The following RALYL variants were observed in gnomAD, a reference collection of about 807,000 sequenced individuals.
RALYL encodes the protein RALY RNA binding protein like, also known as RNA-binding Raly-like protein.
A neutral mutation model predicts 35.1 loss-of-function variants in RALYL; 29 were observed. That is an observed-to-expected ratio of 0.83 (90% confidence interval 0.61 to 1.13). The LOEUF is 1.13. Among genes scored for constraint, RALYL ranks in the 50% most tolerant of loss-of-function variants. The pLI, the probability that RALYL is intolerant of heterozygous loss-of-function variation, is 0.00. For missense variants in RALYL, 359 were observed against 360.4 expected, an observed-to-expected ratio of 1.00 and a Z score of 0.03; for synonymous variants, 120 against 127.6, an observed-to-expected ratio of 0.94 and a Z score of 0.40.
At chr8:84,312,447 C>T (rs552214992) in intron 1 of RALYL, among the ~76,000 whole-genome samples, 55 of 152,282 alleles carry the variant, frequency 3.6e-4, no homozygotes, top group African/African-American at 1.3e-3. Context: ...TCCACAATTT[C>T]ATCTGGGACA....
intron 1 of RALYL, among the ~76,000 whole-genome samples, chr8:84,526,827 A>G (rs539571173): frequency 4.6e-5 from 7 of 152,270 alleles, no homozygotes; most frequent in South Asian, 4.1e-4. Context: ...TGGCTGTCCT[A>G]TGTTTTACTT....
At chr8:84,803,270 T>TTGA (rs1823788595) in intron 3 of RALYL, among the ~76,000 whole-genome samples, 1 of 152,238 alleles carries the variant, frequency 6.6e-6, no homozygotes, top group African/African-American at 2.4e-5. Context: ...CATTATCGTG[T>TTGA]TGATGGTCTA....
At chr8:84,380,695 G>C (rs116586900) in intron 1 of RALYL, among the ~76,000 whole-genome samples, 1 of 151,882 alleles carries the variant, frequency 6.6e-6, no homozygotes, top group Admixed American at 6.6e-5. Context: ...TTATTGAAAG[G>C]CTACTTAAAA....
intron 1 of RALYL, among the ~76,000 whole-genome samples, chr8:84,350,037 G>C (rs1850601200): frequency 6.6e-6 from 1 of 150,518 alleles, no homozygotes; most frequent in African/African-American, 2.5e-5. Flanking sequence ...GATTTCTGGA[G>C]CCTAGGTCAT....
At chr8:84,487,375 G>A (rs761798982) in intron 1 of RALYL, among the ~76,000 whole-genome samples, 4 of 152,064 alleles carry the variant, frequency 2.6e-5, no homozygotes, top group Non-Finnish European at 4.4e-5. Context: ...TAAATGTTCC[G>A]TATTTAAAAG....
In RALYL at chr8:84,207,464, G is replaced by A. The variant is rs146078066; in HGVS notation, c.-24+23040G>A. On this transcript the variant is annotated intron_variant, in intron 1 of 8. Transcript: ENST00000521268. Reference sequence around the variant, plus strand: ...CATTATGCTGTGTGAAAGTAACCAAGCACAGAGACACAAATACTACATTAT... The same window carrying A: ...CATTATGCTGTGTGAAAGTAACCAAACACAGAGACACAAATACTACATTAT... Among the ~76,000 whole-genome samples the A allele has an allele frequency of 1.7e-3, 265 of 152,144 alleles. 1 individual carries two copies. Among genetic ancestry groups the A allele is most frequent in the African/African-American group, 6.2e-3 (256 of 41,514 alleles).
intron 7 of RALYL, among the ~76,000 whole-genome samples, chr8:84,884,492 C>T (rs1277872879): frequency 1.4e-5 from 2 of 140,580 alleles, no homozygotes; most frequent in Non-Finnish European, 3.0e-5. Context: ...ATTATATATA[C>T]ATATACACAC....
chr8:84,869,973 A>G (rs965755601), intron 6 of RALYL, among the ~76,000 whole-genome samples: 3 of 152,084 alleles, frequency 2.0e-5, no homozygotes, highest in Non-Finnish European at 2.9e-5. Context: ...AATGAACTCT[A>G]TAGAGAGAGC....
At chr8:84,826,292 G>GAA (rs1169764529) in intron 4 of RALYL, among the ~76,000 whole-genome samples, 59 of 65,916 alleles carry the variant, frequency 9.0e-4, no homozygotes, top group East Asian at 3.6e-3. Flanking sequence ...CCCTGAATCT[G>GAA]AAAAAAAAAA....
intron 1 of RALYL, among the ~76,000 whole-genome samples, chr8:84,198,497 C>G (rs1191555889): frequency 6.6e-6 from 1 of 152,120 alleles, no homozygotes; most frequent in Non-Finnish European, 1.5e-5. Flanking sequence ...AGCATTTACC[C>G]TTTGTGTTAC....
At chr8:84,238,927 G>A (rs1490769031) in intron 1 of RALYL, among the ~76,000 whole-genome samples, 7 of 152,132 alleles carry the variant, frequency 4.6e-5, no homozygotes, top group African/African-American at 1.2e-4. Context: ...TTCTTGTTAC[G>A]AGTTTACAAG....
At chr8:84,769,873 G>GT (rs1815010908) in intron 2 of RALYL, among the ~76,000 whole-genome samples, 1 of 151,924 alleles carries the variant, frequency 6.6e-6, no homozygotes, top group East Asian at 1.9e-4. Flanking sequence ...AAGTAAGTAA[G>GT]TTATGAGGAA....
At chr8:84,299,547 A>G (rs148090700) in intron 1 of RALYL, among the ~76,000 whole-genome samples, 1 of 152,030 alleles carries the variant, frequency 6.6e-6, no homozygotes, top group Non-Finnish European at 1.5e-5. Flanking sequence ...GAATGGTACC[A>G]GTTCTTCTGT....
chr8:84,637,263 T>TAGAA (rs1405606452), intron 2 of RALYL, among the ~76,000 whole-genome samples: 2 of 151,934 alleles, frequency 1.3e-5, no homozygotes, highest in Non-Finnish European at 2.9e-5. Context: ...AGTTTTGCCC[T>TAGAA]TTCAAACCTG....
intron 2 of RALYL, among the ~76,000 whole-genome samples, chr8:84,579,240 A>C (rs961076246): frequency 1.3e-5 from 2 of 152,180 alleles, no homozygotes; most frequent in African/African-American, 4.8e-5. Flanking sequence ...GCCAGGTTGC[A>C]ACAGCACCCA....
At chr8:84,800,456 G>A (rs1450603356) in intron 3 of RALYL, among the ~76,000 whole-genome samples, 1 of 152,098 alleles carries the variant, frequency 6.6e-6, no homozygotes, top group Non-Finnish European at 1.5e-5. Context: ...TAAATAAAAA[G>A]TATTATAATT....
Position 84,227,056 on chromosome 8 carries a change from C to CTTTTTTTT in RALYL, c.-24+42647_-24+42654dup, listed in dbSNP as rs1158995864. ...TAGGCTTCCAGAAAAAATTGTATTT[C>CTTTTTTTT]TTTTTTTTTTTTTTTTTTTTTTGAG... On this transcript the variant is annotated intron_variant, in intron 1 of 8. Transcript: ENST00000521268. 3.2e-4 allele frequency among the ~76,000 whole-genome samples: 26 copies of CTTTTTTTT among 81,894 alleles called. 1 individual carries two copies. The highest frequency in any genetic ancestry group is 8.4e-4 in the East Asian group (2 of 2,378). 53.7% of individuals were successfully genotyped at this position (81,894 alleles called of 152,430 possible).
At chr8:84,414,251 A>G (rs942065835) in intron 1 of RALYL, among the ~76,000 whole-genome samples, 1 of 152,198 alleles carries the variant, frequency 6.6e-6, no homozygotes, top group Non-Finnish European at 1.5e-5. Flanking sequence ...GTAGCAAAGA[A>G]AATTAACAAT....
intron 1 of RALYL, among the ~76,000 whole-genome samples, chr8:84,237,820 A>C (rs1826923812): frequency 6.6e-6 from 1 of 152,168 alleles, no homozygotes; most frequent in Non-Finnish European, 1.5e-5. Flanking sequence ...TCAGATTGAA[A>C]ATTTAAAAAC....
Sources: allele counts gnomAD v4.1 joint callset (sites outside exome capture counted in the v4.1 genomes callset), GRCh38; gene constraint gnomAD v4.1.1; transcripts MANE v1.5; gene names NCBI Gene and HGNC (gene_info 2026-07-23, HGNC 2026-07-21).